The following HOMER3 variants were observed in gnomAD, a reference collection of about 807,000 sequenced individuals.
HOMER3 encodes homer scaffold protein 3, also known as homer protein homolog 3.
HOMER3 carries 34 observed loss-of-function variants against 45.5 expected under a neutral mutation model. That is an observed-to-expected ratio of 0.75 (90% CI 0.57 to 1.00). The LOEUF (loss-of-function observed/expected upper bound fraction) is 1.00. Ranked by LOEUF, HOMER3 falls within the 50% of genes least tolerant of loss-of-function variation. The pLI is 0.00. For synonymous variants in HOMER3, 223 were observed against 208.8 expected, an observed-to-expected ratio of 1.07 and a Z score of -0.58; for missense variants, 480 against 497.5, an observed-to-expected ratio of 0.96 and a Z score of 0.33.
intron 1 of HOMER3, chr19:18,939,368 G>C: frequency 4.4e-6 from 1 of 229,860 alleles, no homozygotes; most frequent in East Asian, 9.6e-5. Flanking sequence ...TTGAGCCCAG[G>C]AGGTCAAGGC....
chr19:18,933,102 T>C, intron 5 of HOMER3, 57 bp from the exon 6 acceptor site: 1 of 1,423,710 alleles, frequency 7.0e-7, no homozygotes, highest in Admixed American at 3.0e-5. Flanking sequence ...TCAAGGCTGA[T>C]GTGACTGGGG....
At chr19:18,931,860 C>G (rs1233362902) in intron 7 of HOMER3, 116 bp downstream of exon 7, 5 of 1,429,638 alleles carry the variant, frequency 3.5e-6, no homozygotes, top group Non-Finnish European at 3.7e-6. Context: ...GGGTCAGTGA[C>G]CTGCTGAGGT....
Position 18,933,065 on chromosome 19 carries a change from T to C in HOMER3, c.412-20A>G. 1 of 1,483,516 alleles carries C rather than the reference T, an allele frequency of 6.7e-7. No homozygotes were observed. The highest frequency in any genetic ancestry group is 2.7e-5 in the East Asian group (1 of 36,746). The allele number at this position is 1,483,516 out of a possible 1,614,324, so 91.9% of individuals were successfully genotyped here. A position where few individuals can be genotyped will look rare whatever the true frequency, so the allele number is the denominator to read the frequency against. On this transcript the variant is annotated intron_variant, in intron 5 of 9. Coordinates refer to ENST00000392351, the MANE Select transcript of HOMER3 (RefSeq NM_004838.4). ...GGGCACCTAGGCACGGGGAAAAGAA[T>C]AGGTCACGACCCCACATCAGCTGGG... is the stretch of plus-strand genomic sequence containing the variant.
At chr19:18,940,945 C>T (rs1259327704) in intron 1 of HOMER3, 106 bp downstream of exon 1, 2 of 152,280 alleles carry the variant, frequency 1.3e-5, no homozygotes, top group Non-Finnish European at 2.9e-5. Flanking sequence ...TCGCGCCGCT[C>T]CCAGTCCCGG....
chr19:18,936,710 C>T (rs1260440810), intron 4 of HOMER3, among the ~76,000 whole-genome samples: 1 of 150,978 alleles, frequency 6.6e-6, no homozygotes, highest in African/African-American at 2.4e-5. Context: ...ATTGTTGGGG[C>T]CGGGCGCGGT....
At chr19:18,934,441 A>T (rs879248282) in intron 4 of HOMER3, 31 bp from the exon 5 acceptor site, 1 of 1,374,996 alleles carries the variant, frequency 7.3e-7, no homozygotes, top group South Asian at 1.5e-5. Flanking sequence ...AGACAGTAAA[A>T]CCCCAGCCCA....
At chr19:18,935,872 T>TAAAAAA (rs2057087020) in intron 4 of HOMER3, among the ~76,000 whole-genome samples, 13 of 149,004 alleles carry the variant, frequency 8.7e-5, no homozygotes, top group Admixed American at 1.3e-4. Flanking sequence ...ACACAAAAAT[T>TAAAAAA]AGCCAGGCAT....
At chr19:18,938,705 C>CCCCACCCACAA in intron 3 of HOMER3, 23 bp downstream of exon 3, 3 of 1,532,702 alleles carry the variant, frequency 2.0e-6, no homozygotes, top group Non-Finnish European at 2.7e-6. Context: ...GGTGCCTCTG[C>CCCCACCCACAA]CCCACCCAGA....
chr19:18,930,943 G>A (rs138710582), intron 9 of HOMER3, among the ~76,000 whole-genome samples: 2,134 of 152,064 alleles, frequency 0.014, 60 homozygotes, highest in African/African-American at 0.048. Flanking sequence ...GGGAGGTGGA[G>A]GTTGCAGTGA....
At position 18,931,993 on chromosome 19, in the gene HOMER3, C is replaced by A. The variant is rs1277492009; in HGVS notation, c.673G>T (p.Glu225Ter). The stretch of plus-strand genomic sequence containing the variant: ...GCCCTCACCCGCTGCCGCAGCCGCT[C>A]GGCCTCTGCACGCTGAGCCTCCAGC... ...QQLEAQRAEAERLRQRVAELE... is the reference protein window; with the variant it reads ...QQLEAQRAEA Residue 225 changes from glutamate to a stop codon, truncating the protein, a stop_gained, in exon 7 of 10, where the codon GAG (glutamate) becomes TAG (stop). Transcript: ENST00000392351. LOFTEE classifies it high-confidence loss of function. 6.5e-7 allele frequency: 1 copy of A among 1,541,552 alleles called. No individual in the cohort carries two copies. The highest frequency in any genetic ancestry group is 8.7e-7 in the Non-Finnish European group (1 of 1,143,744).
intron 1 of HOMER3, chr19:18,940,368 G>C (rs1180613555): frequency 2.6e-5 from 4 of 152,218 alleles, no homozygotes; most frequent in South Asian, 2.1e-4. Context: ...GCTCCCGGAG[G>C]GGGGTCCGAC....
rs766239160 is a variant in HOMER3 at position 18,933,057 on chromosome 19, G to A, written c.412-12C>T. The A allele has an allele frequency of 6.7e-7, 1 of 1,487,442 alleles. No individual in the cohort carries two copies. The highest frequency in any genetic ancestry group is 2.8e-5 in the Admixed American group (1 of 36,036). The allele number at this position is 1,487,442 out of a possible 1,614,324, so 92.1% of individuals were successfully genotyped here. ...GGGCTCGGGGGCACCTAGGCACGGG[G>A]AAAAGAATAGGTCACGACCCCACAT... On this transcript the variant is annotated splice_polypyrimidine_tract_variant and intron_variant, in intron 5 of 9. Coordinates refer to ENST00000392351, the MANE Select transcript of HOMER3 (RefSeq NM_004838.4).
chr19:18,932,909 AGTCCCGCCCCTC>A lies in HOMER3; in HGVS notation c.533+3_533+14del. On this transcript the variant is annotated splice_donor_5th_base_variant and intron_variant, in intron 6 of 9. Coordinates refer to ENST00000392351, the MANE Select transcript of HOMER3 (RefSeq NM_004838.4). ...TACCCCCGCCCCTGCCACGCCCCCAAGTCCCGCCCCTCACCCCTCAGACAACATCTTCTTTAG... is the reference window on the plus strand; with the variant it reads ...TACCCCCGCCCCTGCCACGCCCCCAAACCCCTCAGACAACATCTTCTTTAG... 1.1e-6 allele frequency: 1 copy of A among 881,718 alleles called. No homozygotes were observed. Among genetic ancestry groups the A allele is most frequent in the Non-Finnish European group, 1.5e-6 (1 of 660,320 alleles). The allele number at this position is 881,718 out of a possible 1,614,324, so 54.6% of individuals were successfully genotyped here.
At chr19:18,932,890 C>CCCCCCCCCCCCCCCA in intron 6 of HOMER3, 34 bp downstream of exon 6, 1 of 1,025,156 alleles carries the variant, frequency 9.8e-7, no homozygotes, top group Admixed American at 4.2e-5. Context: ...CCCCTACCCC[C>CCCCCCCCCCCCCCCA]GCCCCTGCCA....
chr19:18,939,962 C>G (rs1248818967), intron 1 of HOMER3: 3 of 152,466 alleles, frequency 2.0e-5, no homozygotes, highest in African/African-American at 7.2e-5. Flanking sequence ...AGAATCCACA[C>G]TGGGAGACCA....
rs368559726 is a variant in HOMER3, at chr19:18,929,239, T to C, written c.*204A>G. The C allele has an allele frequency of 2.6e-5, 20 of 765,938 alleles. No homozygotes were observed. The highest frequency in any genetic ancestry group is 5.1e-5 in the Admixed American group (3 of 58,976). The allele number at this position is 765,938 out of a possible 1,614,324, so 47.4% of individuals were successfully genotyped here. The stretch of plus-strand genomic sequence containing the variant: ...ATGTAATCGGGGGATCTAGAAATTC[T>C]ACACAATGAGAAGCTCAAAAACAGC... On this transcript the variant is annotated 3_prime_UTR_variant, in exon 10 of 10. Coordinates refer to ENST00000392351, the MANE Select transcript of HOMER3 (RefSeq NM_004838.4).
rs1447363756 is a variant in HOMER3 at position 18,934,389 on chromosome 19, C to G, written c.325G>C (p.Val109Leu). ...CTGGCCAGCCTGGCTGCTTCCTTCA[C>G]TTCCTGGAACTTCTCGGCAAACTAA... ...LTQFAEKFQE[V>L]KEAARLAREK... Residue 109 changes from valine (V) to leucine (L), a missense_variant, in exon 5 of 10, where the codon GTG becomes CTG. Physicochemically the swap from Val to Leu is conservative, Grantham distance 32. Transcript: ENST00000392351. 6.3e-7 allele frequency: 1 copy of G among 1,591,230 alleles called. No homozygotes were observed. The highest frequency in any genetic ancestry group is 8.6e-7 in the Non-Finnish European group (1 of 1,169,378).
chr19:18,931,386 G>T lies in HOMER3; in HGVS notation c.833C>A (p.Thr278Asn), dbSNP rs745917302. 4.3e-6 allele frequency: 7 copies of T among 1,614,042 alleles called. No individual in the cohort carries two copies. The Admixed American group carries it at 5.0e-5, about 12-fold the overall frequency. ...CTCCAGGGCCTCGCGGGGCCCCCCA[G>T]TCTGACTCTTCAGGGTCTGAATCTC... ...DQEIQTLKSQ[T>N]GGPREALEAA... Residue 278 changes from threonine to asparagine, a missense_variant, in exon 9 of 10, where the codon ACT becomes AAT. Coordinates refer to ENST00000392351, the MANE Select transcript of HOMER3 (RefSeq NM_004838.4).
At chr19:18,933,849 C>A (rs770367381) in intron 5 of HOMER3, among the ~76,000 whole-genome samples, 1 of 152,128 alleles carries the variant, frequency 6.6e-6, no homozygotes, top group African/African-American at 2.4e-5. Context: ...GGACTACAGG[C>A]GCATGCCACC....
Sources: gnomAD v4.1 joint callset for allele counts (sites outside exome capture counted in the v4.1 genomes callset) on GRCh38, gnomAD v4.1.1 for gene constraint, MANE v1.5 for transcripts, NCBI Gene and HGNC (gene_info 2026-07-23, HGNC 2026-07-21) for gene names.